FUBP3: variants seen among roughly 807,000 people sequenced by gnomAD.
The protein encoded by FUBP3 is far upstream element binding protein 3, also known as far upstream element-binding protein 3.
FUBP3 carries 28 observed loss-of-function variants against 85.6 expected under a neutral mutation model. That is an observed-to-expected ratio of 0.33 (90% confidence interval 0.24 to 0.45). FUBP3 has a LOEUF of 0.45. FUBP3 is among the 20% of genes least tolerant of loss of function. The probability of loss-of-function intolerance (pLI) is 1.00; values close to 1 mark genes in which losing one functional copy is unlikely to be tolerated. For missense variants in FUBP3, 583 were observed against 755.1 expected, an observed-to-expected ratio of 0.77 and a Z score of 2.67; for synonymous variants, 271 against 271.4, an observed-to-expected ratio of 1.00 and a Z score of 0.01.
intron 2 of FUBP3, among the ~76,000 whole-genome samples, chr9:130,608,216 C>T (rs1351000271): frequency 1.3e-5 from 2 of 152,166 alleles, no homozygotes; most frequent in Non-Finnish European, 2.9e-5. Flanking sequence ...ACCCACGGTG[C>T]GGCCTCATTC....
At chr9:130,580,287 C>T (rs1373845011) in intron 1 of FUBP3, among the ~76,000 whole-genome samples, 2 of 152,134 alleles carry the variant, frequency 1.3e-5, no homozygotes, top group Non-Finnish European at 2.9e-5. Context: ...GGGTGGTCCC[C>T]AAGATGTAGA....
At position 130,623,620 on chromosome 9, in the gene FUBP3, T is replaced by G; in HGVS notation, c.884T>G (p.Ile295Ser). The change falls in exon 11 of 19, where the codon ATT becomes AGT. Residue 295 changes from isoleucine to serine, a missense_variant. Coordinates refer to ENST00000319725, the MANE Select transcript of FUBP3 (RefSeq NM_003934.2). The stretch of plus-strand genomic sequence containing the variant: ...TCACCTGGCTCCTCAGATGATGGGA[T>G]TAGTCCAGAAAGAGCTGCCCAGGTC... The part of the protein sequence containing the change: ...VRIQFKPDDG[I>S]SPERAAQVMG... 1 of 1,610,252 alleles carries G rather than the reference T, an allele frequency of 6.2e-7. No individual in the cohort carries two copies. Among genetic ancestry groups the G allele is most frequent in the Non-Finnish European group, 8.5e-7 (1 of 1,176,546 alleles).
At position 130,635,908 on chromosome 9, in the gene FUBP3, G is replaced by A. The variant is rs910980009; in HGVS notation, c.1583-91G>A. 6 of 1,354,572 alleles carry A rather than the reference G, an allele frequency of 4.4e-6. No homozygotes were observed. In the African/African-American group the frequency reaches 7.2e-5, roughly 16 times the overall value. 83.9% of individuals were successfully genotyped at this position (1,354,572 alleles called of 1,614,324 possible). On this transcript the variant is annotated intron_variant, in intron 17 of 18. Transcript: ENST00000319725. The surrounding 1 kb of genome is among the most constrained non-coding windows in gnomAD (Gnocchi z 4.3). ...GACCTCCCTGCCTTCCAGCCGTCCG[G>A]AGGGAGAGCAGATGCCCAGGGCCTT...
intron 2 of FUBP3, among the ~76,000 whole-genome samples, chr9:130,602,810 G>T (rs1287006066): frequency 6.6e-6 from 1 of 152,060 alleles, no homozygotes; most frequent in Non-Finnish European, 1.5e-5. Context: ...ACATGGGCAG[G>T]CTTCCCAGGT....
In FUBP3 at chr9:130,631,022, G is replaced by T. The variant is rs1377905420; in HGVS notation, c.1278+234G>T. The T allele has an allele frequency of 4.5e-6, 3 of 673,522 alleles. No homozygotes were observed. In the African/African-American group the frequency reaches 5.6e-5, roughly 13 times the overall value. The allele number at this position is 673,522 out of a possible 1,614,324, so 41.7% of individuals were successfully genotyped here. On this transcript the variant is annotated intron_variant, in intron 13 of 18. Transcript: ENST00000319725. ...GGCAGGACTCACCAAGGCCGCAGCAGCCGAGGCCCCAGAGCCGTTCCCCTG... is the reference window on the plus strand; with the variant it reads ...GGCAGGACTCACCAAGGCCGCAGCATCCGAGGCCCCAGAGCCGTTCCCCTG...
Position 130,628,542 on chromosome 9 carries a change from C to T in FUBP3, c.1117+2037C>T, listed in dbSNP as rs548952576. ...CTTCTGGCCCCACGAGGTTTTGTGG[C>T]GCCTCCTCACCTTATTAGCATGTTC... is the stretch of plus-strand genomic sequence containing the variant. On this transcript the variant is annotated intron_variant, in intron 12 of 18. Coordinates refer to ENST00000319725, the MANE Select transcript of FUBP3 (RefSeq NM_003934.2). 2.4e-4 allele frequency among the ~76,000 whole-genome samples: 36 copies of T among 152,226 alleles called. No individual in the cohort carries two copies. The South Asian group carries it at 6.2e-3, about 26-fold the overall frequency.
At position 130,595,606 on chromosome 9, in the gene FUBP3, T is replaced by C. The variant is rs776766975; in HGVS notation, c.190+18T>C. Reference sequence around the variant, plus strand: ...TGATGGAGGTAAGTTGCCAGAAATATCTTTGCCTTTCAGGTGGTAGTGAAC... The same window carrying C: ...TGATGGAGGTAAGTTGCCAGAAATACCTTTGCCTTTCAGGTGGTAGTGAAC... On this transcript the variant is annotated intron_variant, in intron 2 of 18. Transcript: ENST00000319725. 2.7e-6 allele frequency: 3 copies of C among 1,118,860 alleles called. No homozygotes were observed. Among genetic ancestry groups the C allele is most frequent in the Admixed American group, 3.4e-5 (2 of 59,436 alleles). 69.3% of individuals were successfully genotyped at this position (1,118,860 alleles called of 1,614,324 possible).
Position 130,618,855 on chromosome 9 carries a change from T to C in FUBP3, c.666+960T>C, listed in dbSNP as rs137906955. On this transcript the variant is annotated intron_variant, in intron 8 of 18. Transcript: ENST00000319725. ...AGCTAAGCTGGTCAAGGTACACCTG[T>C]AAAATAACAGCTTTAGAACAGGAGT... Among the ~76,000 whole-genome samples, 479 of 152,308 alleles carry C rather than the reference T, an allele frequency of 3.1e-3. 8 individuals are homozygous for C. The highest frequency in any genetic ancestry group is 0.011 in the African/African-American group (469 of 41,568).
chr9:130,582,607 A>G (rs1378404164), intron 1 of FUBP3, among the ~76,000 whole-genome samples: 2 of 152,266 alleles, frequency 1.3e-5, no homozygotes, highest in African/African-American at 4.8e-5. Context: ...TAGTTCAGAT[A>G]AGACAAAATC....
At chr9:130,632,534 C>T (rs1830256769) in intron 16 of FUBP3, among the ~76,000 whole-genome samples, 1 of 152,236 alleles carries the variant, frequency 6.6e-6, no homozygotes, top group Non-Finnish European at 1.5e-5. Context: ...CCTCTCTTGG[C>T]CCACCTGTCC....
intron 2 of FUBP3, among the ~76,000 whole-genome samples, chr9:130,602,060 A>T (rs1164388869): frequency 6.6e-6 from 1 of 152,206 alleles, no homozygotes; most frequent in Admixed American, 6.5e-5. Context: ...TCGGCCTCCC[A>T]GAGGGCTGGG....
intron 11 of FUBP3, among the ~76,000 whole-genome samples, chr9:130,624,906 T>C (rs367937010): frequency 6.6e-6 from 1 of 152,212 alleles, no homozygotes. Context: ...ACCAACATGG[T>C]GAAACCCTGT....
intron 12 of FUBP3, among the ~76,000 whole-genome samples, chr9:130,626,839 C>T (rs575700680): frequency 6.6e-6 from 1 of 152,322 alleles, no homozygotes. Flanking sequence ...TGGTAATTAA[C>T]TCACCTCCAA....
rs577102834 is a variant in FUBP3, at chr9:130,636,362, A to G, written c.1710+236A>G. 1.9e-4 allele frequency: 121 copies of G among 625,270 alleles called. No homozygotes were observed. The African/African-American group carries it at 2.1e-3, about 11-fold the overall frequency. 38.7% of individuals were successfully genotyped at this position (625,270 alleles called of 1,614,324 possible). A position where few individuals can be genotyped will look rare whatever the true frequency, so the allele number is the denominator to read the frequency against. On this transcript the variant is annotated intron_variant, in intron 18 of 18. Transcript: ENST00000319725. ...GGAGGATTGGGGGCGCAGCCCCTAC[A>G]AGGAAGTGCCTGAACTTTCCTCAAG...
At chr9:130,599,465 G>A (rs1254757891) in intron 2 of FUBP3, among the ~76,000 whole-genome samples, 1 of 151,794 alleles carries the variant, frequency 6.6e-6, no homozygotes, top group Admixed American at 6.6e-5. Context: ...TATAGAAAGG[G>A]ATTTGGGTTA....
chr9:130,610,224 G>T (rs1339033298), intron 3 of FUBP3, among the ~76,000 whole-genome samples: 2 of 152,238 alleles, frequency 1.3e-5, no homozygotes, highest in African/African-American at 4.8e-5. Flanking sequence ...ACTTGTAGAA[G>T]ATTGGAGTTG....
At chr9:130,598,808 A>G (rs1830992051) in intron 2 of FUBP3, among the ~76,000 whole-genome samples, 1 of 152,190 alleles carries the variant, frequency 6.6e-6, no homozygotes, top group Non-Finnish European at 1.5e-5. Flanking sequence ...CTTCAGTGTG[A>G]GTCTAAAGAA....
At chr9:130,611,225 G>A (rs1445676130) in intron 3 of FUBP3, among the ~76,000 whole-genome samples, 2 of 152,176 alleles carry the variant, frequency 1.3e-5, no homozygotes, top group Non-Finnish European at 1.5e-5. Context: ...CACATGGTGT[G>A]AGCAGCAGCC....
intron 2 of FUBP3, among the ~76,000 whole-genome samples, chr9:130,608,757 T>TTAG (rs556663747): frequency 6.1e-4 from 93 of 152,366 alleles, no homozygotes; most frequent in Non-Finnish European, 1.1e-3. Context: ...TGGTATTGAC[T>TTAG]TAGTAGCTTC....
Sources: allele counts gnomAD v4.1 joint callset (sites outside exome capture counted in the v4.1 genomes callset), GRCh38; gene constraint gnomAD v4.1.1; non-coding constraint Gnocchi (gnomAD v3.1); transcripts MANE v1.5; gene names NCBI Gene and HGNC (gene_info 2026-07-23, HGNC 2026-07-21).